SOX5: variants seen among roughly 807,000 people sequenced by gnomAD.
SOX5 encodes the protein transcription factor SOX-5.
A neutral mutation model predicts 92.0 loss-of-function variants in SOX5; 9 were observed. That is an observed-to-expected ratio of 0.10 (90% CI 0.06 to 0.17). SOX5 has a LOEUF of 0.17. SOX5 is among the 10% of genes least tolerant of loss of function. SOX5 has a pLI of 1.00. For missense variants in SOX5, 642 were observed against 944.5 expected, an observed-to-expected ratio of 0.68 and a Z score of 4.20; for synonymous variants, 344 against 336.3, an observed-to-expected ratio of 1.02 and a Z score of -0.25.
intron 3 of SOX5, among the ~76,000 whole-genome samples, chr12:23,820,808 G>T (rs191784981): frequency 3.3e-5 from 5 of 152,168 alleles, no homozygotes; most frequent in Admixed American, 6.5e-5. Flanking sequence ...CAGTACCGTG[G>T]TGTTTTGGTT....
At chr12:24,224,147 C>T (rs993048642) in intron 3 of SOX5, among the ~76,000 whole-genome samples, 3 of 152,104 alleles carry the variant, frequency 2.0e-5, no homozygotes, top group South Asian at 4.1e-4. Flanking sequence ...AGATTGAGCC[C>T]GGCAACCCAG....
chr12:24,215,541 CATT>C lies in SOX5; in HGVS notation c.-76-2127_-76-2125del, dbSNP rs376951654. On this transcript the variant is annotated intron_variant, in intron 3 of 4. Transcript: ENST00000446891. ...ATAAAATACTTCGGAATAAATTTAA[CATT>C]AGAAGTCTAAGGCTTGTGAATCACA... Among the ~76,000 whole-genome samples, 928 of 152,064 alleles carry C rather than the reference CATT, an allele frequency of 6.1e-3. 12 individuals carry two copies. Among genetic ancestry groups the C allele is most frequent in the African/African-American group, 0.021 (880 of 41,520 alleles).
intron 4 of SOX5, among the ~76,000 whole-genome samples, chr12:24,034,234 C>T (rs1955791083): frequency 1.3e-5 from 2 of 152,102 alleles, no homozygotes; most frequent in Admixed American, 6.6e-5. Context: ...TTTCATTTTC[C>T]AAAGCTCCCT....
chr12:24,169,774 G>C (rs764617423), intron 4 of SOX5, among the ~76,000 whole-genome samples: 1 of 152,196 alleles, frequency 6.6e-6, no homozygotes, highest in Non-Finnish European at 1.5e-5. Flanking sequence ...AAAGATATCA[G>C]GGGTCTTCTA....
At chr12:24,117,161 A>G (rs1948101572) in intron 4 of SOX5, among the ~76,000 whole-genome samples, 1 of 152,252 alleles carries the variant, frequency 6.6e-6, no homozygotes. Flanking sequence ...GGATCTGAAC[A>G]GACATTTCTC....
At chr12:23,738,111 G>A (rs1287509883) in intron 5 of SOX5, among the ~76,000 whole-genome samples, 1 of 152,078 alleles carries the variant, frequency 6.6e-6, no homozygotes, top group East Asian at 1.9e-4. Flanking sequence ...TCAAATTGGT[G>A]GTCAATGAAT....
intron 3 of SOX5, among the ~76,000 whole-genome samples, chr12:24,274,672 GA>G (rs11394481): frequency 6.2e-5 from 9 of 146,210 alleles, no homozygotes; most frequent in East Asian, 4.0e-4. Flanking sequence ...GTTTTGAAAG[GA>G]AAAAAAAAAA....
At chr12:23,692,973 A>G (rs1229016618) in intron 6 of SOX5, among the ~76,000 whole-genome samples, 3 of 152,202 alleles carry the variant, frequency 2.0e-5, no homozygotes, top group African/African-American at 4.8e-5. Context: ...CCAAATATCA[A>G]TATAACTCCT....
At position 23,821,117 on chromosome 12, in the gene SOX5, T is replaced by C. The variant is rs370744559; in HGVS notation, c.481+24866A>G. Among the ~76,000 whole-genome samples, 8 of 152,332 alleles carry C rather than the reference T, an allele frequency of 5.3e-5. No individual in the cohort carries two copies. In the East Asian group the frequency reaches 1.4e-3, roughly 26 times the overall value. ...TATTTCCTTGAGCAGTGGTTTGTAG[T>C]TCTCCTTGAAGAGGTCCATCACATC... is the stretch of plus-strand genomic sequence containing the variant. On this transcript the variant is annotated intron_variant, in intron 3 of 14. Coordinates refer to ENST00000451604, the MANE Select transcript of SOX5 (RefSeq NM_006940.6).
intron 1 of SOX5, among the ~76,000 whole-genome samples, chr12:24,474,114 G>A (rs1032531717): frequency 1.3e-4 from 20 of 152,032 alleles, no homozygotes; most frequent in African/African-American, 4.8e-4. Flanking sequence ...TAAATACCTG[G>A]AAGGCATCAA....
intron 1 of SOX5, among the ~76,000 whole-genome samples, chr12:24,420,005 T>C (rs150855711): frequency 1.2e-4 from 18 of 152,388 alleles, no homozygotes; most frequent in South Asian, 2.1e-4. Flanking sequence ...AGAAACTGTA[T>C]AAATGTATAC....
chr12:23,952,474 G>C (rs1408523972), upstream of SOX5, among the ~76,000 whole-genome samples: 6 of 152,136 alleles, frequency 3.9e-5, no homozygotes, highest in African/African-American at 1.2e-4. Flanking sequence ...ATTTGATTTT[G>C]ATTTTATTGG....
intron 1 of SOX5, among the ~76,000 whole-genome samples, chr12:23,915,540 T>A (rs2097404629): frequency 6.6e-6 from 1 of 152,140 alleles, no homozygotes; most frequent in South Asian, 2.1e-4. Flanking sequence ...TCCTGGGCCT[T>A]CAAATAACGT....
chr12:24,551,181 C>G (rs1165525722), intron 1 of SOX5, among the ~76,000 whole-genome samples: 1 of 152,192 alleles, frequency 6.6e-6, no homozygotes, highest in Non-Finnish European at 1.5e-5. Flanking sequence ...TTCAAGTTCC[C>G]ATCTCCCCCC....
intron 3 of SOX5, among the ~76,000 whole-genome samples, chr12:23,807,940 A>T (rs1018833170): frequency 1.3e-5 from 2 of 152,050 alleles, no homozygotes; most frequent in African/African-American, 4.8e-5. Context: ...AAGCCACTGC[A>T]TCTGGACAAA....
chr12:23,865,794 C>A (rs531456876), intron 2 of SOX5, among the ~76,000 whole-genome samples: 4 of 152,228 alleles, frequency 2.6e-5, no homozygotes, highest in African/African-American at 9.6e-5. Flanking sequence ...ATTATAGATA[C>A]AATTAAGAAC....
At chr12:23,803,739 CA>C (rs1030189892) in intron 3 of SOX5, among the ~76,000 whole-genome samples, 6 of 151,708 alleles carry the variant, frequency 4.0e-5, no homozygotes, top group African/African-American at 7.3e-5. Flanking sequence ...TATGTAAGCA[CA>C]AAAAAAATGA....
chr12:23,813,445 G>A (rs1343712286), intron 3 of SOX5, among the ~76,000 whole-genome samples: 1 of 151,988 alleles, frequency 6.6e-6, no homozygotes, highest in South Asian at 2.1e-4. Context: ...CAGATGCATC[G>A]GCTCATTCAC....
intron 4 of SOX5, among the ~76,000 whole-genome samples, chr12:24,006,731 T>C (rs1055871279): frequency 6.6e-6 from 1 of 151,926 alleles, no homozygotes; most frequent in Non-Finnish European, 1.5e-5. Context: ...AGTCCTCACC[T>C]GTCTTATTTA....
Sources: gnomAD v4.1 joint callset for allele counts (sites outside exome capture counted in the v4.1 genomes callset) on GRCh38, gnomAD v4.1.1 for gene constraint, MANE v1.5 for transcripts, NCBI Gene and HGNC (gene_info 2026-07-23, HGNC 2026-07-21) for gene names.